PARP16: variants seen among roughly 807,000 people sequenced by gnomAD.
The protein encoded by PARP16 is protein mono-ADP-ribosyltransferase PARP16.
A neutral mutation model predicts 35.0 loss-of-function variants in PARP16; 31 were observed. That is an observed-to-expected ratio of 0.88 (90% CI 0.66 to 1.19). The LOEUF (loss-of-function observed/expected upper bound fraction) is 1.19. Ranked by LOEUF, PARP16 falls within the 50% of genes most tolerant of loss-of-function variation. The pLI is 0.00. For missense variants in PARP16, 424 were observed against 411.2 expected (o/e 1.03, Z -0.27); for synonymous variants, 162 against 169.5 (o/e 0.96, Z 0.34).
chr15:65,250,551 T>C (rs564312238), intron 2 of PARP16, among the ~76,000 whole-genome samples: 18 of 152,354 alleles, frequency 1.2e-4, no homozygotes, highest in African/African-American at 4.1e-4. Flanking sequence ...GCAGGGATAC[T>C]GTGAAGATTA....
intron 2 of PARP16, among the ~76,000 whole-genome samples, chr15:65,269,176 T>TTTTCTTTC (rs58938798): frequency 0.11 from 16,337 of 145,914 alleles, 1,016 homozygotes; most frequent in South Asian, 0.15. Flanking sequence ...TAGTCGGTTT[T>TTTTCTTTC]TTTCTTTCTT....
intron 3 of PARP16, among the ~76,000 whole-genome samples, chr15:65,239,705 G>A (rs2088997683): frequency 6.7e-6 from 1 of 148,430 alleles, no homozygotes; most frequent in Non-Finnish European, 1.5e-5. Flanking sequence ...CGCCCAGGCT[G>A]GAGTGTAGTG....
chr15:65,263,150 C>G lies in PARP16; in HGVS notation c.690G>C (p.Lys230Asn). The G allele has an allele frequency of 6.2e-7, 1 of 1,613,438 alleles. No homozygotes were observed. Among genetic ancestry groups the G allele is most frequent in the Non-Finnish European group, 8.5e-7 (1 of 1,179,682 alleles). The part of the protein sequence containing the change: ...HPDVKCQTKK[K>N]DSKEIDRRRA... ...GGTCTGGACCAAGTGCTCACTCACC[C>G]TTCTTCTTGGTTTGGCACTTGACGT... The change falls in exon 4 of 6, where the codon AAG becomes AAC. Residue 230 changes from lysine to asparagine, a missense_variant and splice_region_variant. By Grantham distance (94) the Lys-to-Asn change is moderately conservative. Coordinates refer to ENST00000649807, the MANE Select transcript of PARP16 (RefSeq NM_001316943.2).
chr15:65,278,164 CG>C (rs1384838713), intron 1 of PARP16, among the ~76,000 whole-genome samples: 1 of 152,152 alleles, frequency 6.6e-6, no homozygotes, highest in Non-Finnish European at 1.5e-5. Flanking sequence ...AAATGAGTAA[CG>C]GGAGCCCGGG....
chr15:65,260,971 G>A lies in PARP16; in HGVS notation c.747C>T (p.Asp249=). 1 of 1,611,832 alleles carries A rather than the reference G, an allele frequency of 6.2e-7. No individual in the cohort carries two copies. ...RARIKHSEGG[D]IPPKYFVVTN... The stretch of plus-strand genomic sequence containing the variant: ...TGACCACGAAGTACTTGGGAGGGAT[G>A]TCTCCCCCTTCACTATGTTTGATTC... The change falls in exon 5 of 6, where the codon GAC becomes GAT. Residue 249 remains aspartate (D), a synonymous_variant. Coordinates refer to ENST00000649807, the MANE Select transcript of PARP16 (RefSeq NM_001316943.2).
At chr15:65,237,619 G>A (rs765545927) in intron 3 of PARP16, among the ~76,000 whole-genome samples, 5 of 151,934 alleles carry the variant, frequency 3.3e-5, no homozygotes, top group African/African-American at 4.8e-5. Context: ...AGTCAAGGAA[G>A]GCCAACAGCT....
At chr15:65,245,686 A>C (rs1465830221) in intron 3 of PARP16, among the ~76,000 whole-genome samples, 1 of 152,006 alleles carries the variant, frequency 6.6e-6, no homozygotes, top group Non-Finnish European at 1.5e-5. Flanking sequence ...AGGAGGCCCC[A>C]CTCATGGTGA....
chr15:65,255,911 C>T (rs913823004), downstream of PARP16, among the ~76,000 whole-genome samples: 3 of 152,062 alleles, frequency 2.0e-5, no homozygotes, highest in African/African-American at 2.4e-5. Flanking sequence ...AGCCAGGTCT[C>T]GGGGAACAGA....
intron 3 of PARP16, among the ~76,000 whole-genome samples, chr15:65,244,569 G>A (rs542053227): frequency 3.9e-5 from 6 of 152,208 alleles, no homozygotes; most frequent in Non-Finnish European, 5.9e-5. Context: ...ATCTCCCACC[G>A]GGTCCCTCCC....
intron 1 of PARP16, among the ~76,000 whole-genome samples, chr15:65,275,919 G>A (rs1340499315): frequency 1.3e-5 from 2 of 152,136 alleles, no homozygotes; most frequent in Admixed American, 1.3e-4. Context: ...TCCCACCTGT[G>A]AGTCACAGCC....
intron 3 of PARP16, among the ~76,000 whole-genome samples, chr15:65,246,400 C>G (rs531394491): frequency 6.6e-6 from 1 of 152,210 alleles, no homozygotes; most frequent in Non-Finnish European, 1.5e-5. Flanking sequence ...TCTCCTTGGT[C>G]TCTCAGGTGC....
rs1274923615 is a variant in PARP16 at position 65,286,435 on chromosome 15, A to T, written c.-9T>A. 3.4e-6 allele frequency: 5 copies of T among 1,477,172 alleles called. No homozygotes were observed. Among genetic ancestry groups the T allele is most frequent in the East Asian group, 2.6e-5 (1 of 37,824 alleles). 91.5% of individuals were successfully genotyped at this position (1,477,172 alleles called of 1,614,324 possible). A position where few individuals can be genotyped will look rare whatever the true frequency, so the allele number is the denominator to read the frequency against. ...CAGCCTGAGGGCTGCATCCCAGGTC[A>T]CTGCGCGTTGCCGGGGTAGACGCGC... On this transcript the variant is annotated 5_prime_UTR_variant, in exon 1 of 6. Coordinates refer to ENST00000649807, the MANE Select transcript of PARP16 (RefSeq NM_001316943.2).
rs143273321 is a variant in PARP16 at position 65,264,656 on chromosome 15, C to G, written c.520-1336G>C. ...GATGCCCTCTGATCTGACCCCACAT[C>G]CATTCTCTGCTTATGCCATCATGTG... On this transcript the variant is annotated intron_variant, in intron 3 of 5. Transcript: ENST00000649807. Among the ~76,000 whole-genome samples, 527 of 152,310 alleles carry G rather than the reference C, an allele frequency of 3.5e-3. 4 individuals are homozygous for G. Among genetic ancestry groups the G allele is most frequent in the African/African-American group, 0.012 (487 of 41,558 alleles).
At chr15:65,275,114 CAA>C (rs768915567) in intron 1 of PARP16, among the ~76,000 whole-genome samples, 2 of 129,374 alleles carry the variant, frequency 1.5e-5, no homozygotes, top group Admixed American at 7.9e-5. Flanking sequence ...GACCCTGTCT[CAA>C]AAAAAAAAAA....
intron 3 of PARP16, among the ~76,000 whole-genome samples, chr15:65,243,728 AT>A (rs563400237): frequency 1.3e-5 from 2 of 150,840 alleles, no homozygotes; most frequent in African/African-American, 2.4e-5. Flanking sequence ...GTTTCATTTT[AT>A]TTTTTTTTGT....
intron 3 of PARP16, among the ~76,000 whole-genome samples, chr15:65,240,107 G>T (rs1022159960): frequency 6.6e-6 from 1 of 151,314 alleles, no homozygotes; most frequent in Non-Finnish European, 1.5e-5. Context: ...GGGACTACAG[G>T]CATGAACCAC....
chr15:65,277,851 C>T (rs547967911), intron 1 of PARP16, among the ~76,000 whole-genome samples: 3 of 152,296 alleles, frequency 2.0e-5, no homozygotes, highest in African/African-American at 7.2e-5. Context: ...CAGCTACTGG[C>T]TGTGCCTAAG....
At chr15:65,279,883 G>C (rs2090366898) in intron 1 of PARP16, among the ~76,000 whole-genome samples, 1 of 151,758 alleles carries the variant, frequency 6.6e-6, no homozygotes, top group East Asian at 1.9e-4. Flanking sequence ...CAGACGTCAG[G>C]GTTTTTTTTT....
rs149161373 is a variant in PARP16 at position 65,263,723 on chromosome 15, C to G, written c.520-403G>C. On this transcript the variant is annotated intron_variant, in intron 3 of 5. Transcript: ENST00000649807. ...TACTAGTAGCTCCTTTACAAGGTTG[C>G]CAGTGAGGATTAAATGAGGCAATAT... Among the ~76,000 whole-genome samples the G allele has an allele frequency of 7.5e-3, 1,137 of 152,242 alleles. 19 individuals are homozygous for G. The highest frequency in any genetic ancestry group is 0.024 in the African/African-American group (1,001 of 41,526).
Sources: allele counts gnomAD v4.1 joint callset (sites outside exome capture counted in the v4.1 genomes callset), GRCh38; gene constraint gnomAD v4.1.1; transcripts MANE v1.5; gene names NCBI Gene and HGNC (gene_info 2026-07-23, HGNC 2026-07-21).